The following EPB41L5 variants were observed in gnomAD, a reference collection of about 807,000 sequenced individuals.
EPB41L5 encodes band 4.1-like protein 5.
A neutral mutation model predicts 106.6 loss-of-function variants in EPB41L5; 55 were observed. That is an observed-to-expected ratio of 0.52 (90% CI 0.42 to 0.65). EPB41L5 has a LOEUF of 0.65. Ranked by LOEUF, EPB41L5 falls within the 30% of genes least tolerant of loss-of-function variation. The pLI is 0.00. For synonymous variants in EPB41L5, 297 were observed against 306.7 expected (o/e 0.97, Z 0.33); for missense variants, 871 against 882.1 (o/e 0.99, Z 0.16).
chr2:120,119,709 A>G (rs1685122822), intron 16 of EPB41L5, among the ~76,000 whole-genome samples: 2 of 151,812 alleles, frequency 1.3e-5, no homozygotes. Flanking sequence ...ACGTATCCAA[A>G]GGAGAATTTA....
intron 8 of EPB41L5, 47 bp from the exon 9 acceptor site, chr2:120,077,182 T>C (rs1324517459): frequency 6.3e-7 from 1 of 1,578,994 alleles, no homozygotes; most frequent in Non-Finnish European, 8.6e-7. Context: ...GTATAGAATT[T>C]ATTTTATATT....
intron 2 of EPB41L5, among the ~76,000 whole-genome samples, chr2:120,027,464 T>TC (rs1678404927): frequency 6.6e-6 from 1 of 152,242 alleles, no homozygotes; most frequent in Admixed American, 6.5e-5. Context: ...CATGTGAAAT[T>TC]CCAGAAGAGG....
At chr2:120,045,741 A>G (rs1315984718) in intron 3 of EPB41L5, among the ~76,000 whole-genome samples, 1 of 152,174 alleles carries the variant, frequency 6.6e-6, no homozygotes. Context: ...GTATGTATAC[A>G]TGTGACATTG....
chr2:120,028,174 T>A (rs1463369212), intron 2 of EPB41L5, among the ~76,000 whole-genome samples: 1 of 152,098 alleles, frequency 6.6e-6, no homozygotes, highest in Non-Finnish European at 1.5e-5. Context: ...GGAAGTTATT[T>A]TTTTTTTTAA....
intron 10 of EPB41L5, among the ~76,000 whole-genome samples, chr2:120,085,477 C>T (rs1454053889): frequency 1.3e-5 from 2 of 152,184 alleles, no homozygotes; most frequent in Non-Finnish European, 2.9e-5. Flanking sequence ...GAAGCTTCGT[C>T]TCAGAGGGGT....
intron 24 of EPB41L5, among the ~76,000 whole-genome samples, chr2:120,174,051 A>G (rs9783997): frequency 0.04 from 6,040 of 152,286 alleles, 418 homozygotes; most frequent in African/African-American, 0.14. Context: ...GTTCACTGAC[A>G]GCAGAAATTC....
In EPB41L5 at chr2:120,025,407, T is replaced by C. The variant is rs189045877; in HGVS notation, c.180+6143T>C. Among the ~76,000 whole-genome samples the C allele has an allele frequency of 4.6e-5, 7 of 152,288 alleles. No individual in the cohort carries two copies. The East Asian group carries it at 1.3e-3, about 29-fold the overall frequency. On this transcript the variant is annotated intron_variant, in intron 2 of 24. Coordinates refer to ENST00000263713, the MANE Select transcript of EPB41L5 (RefSeq NM_020909.4). Reference sequence around the variant, plus strand: ...TCTTGCTTTCCATTTGCTTGGTAAATGTTCCTCCATCCCTTTATTTTGAGC... The same window carrying C: ...TCTTGCTTTCCATTTGCTTGGTAAACGTTCCTCCATCCCTTTATTTTGAGC...
chr2:120,073,523 G>A (rs1682024548), intron 4 of EPB41L5, among the ~76,000 whole-genome samples: 1 of 152,152 alleles, frequency 6.6e-6, no homozygotes, highest in Admixed American at 6.6e-5. Flanking sequence ...GAATTTTCCT[G>A]TTTGGCATCT....
At chr2:120,061,032 T>TTTG (rs1192868834) in intron 3 of EPB41L5, among the ~76,000 whole-genome samples, 1 of 27,646 alleles carries the variant, frequency 3.6e-5, no homozygotes, top group African/African-American at 1.2e-4. Flanking sequence ...TTCAGGGAAG[T>TTTG]TTTTTTTTTT....
At chr2:120,107,524 T>C (rs1218022590) in intron 16 of EPB41L5, among the ~76,000 whole-genome samples, 1 of 152,140 alleles carries the variant, frequency 6.6e-6, no homozygotes, top group African/African-American at 2.4e-5. Context: ...TGAGATGCTT[T>C]TACATAAGGG....
chr2:120,161,987 G>A (rs115194335), intron 21 of EPB41L5, among the ~76,000 whole-genome samples: 22 of 152,290 alleles, frequency 1.4e-4, no homozygotes, highest in African/African-American at 5.1e-4. Context: ...TGCTGCTCTA[G>A]GGAATGTAAG....
chr2:120,103,037 T>TA (rs1436399375), intron 16 of EPB41L5, among the ~76,000 whole-genome samples: 4 of 152,214 alleles, frequency 2.6e-5, no homozygotes, highest in Admixed American at 1.3e-4. Flanking sequence ...ATTTTGTTAT[T>TA]AAAAAAGCCT....
chr2:120,146,824 G>A (rs1686426890), intron 20 of EPB41L5, among the ~76,000 whole-genome samples: 1 of 152,088 alleles, frequency 6.6e-6, no homozygotes, highest in African/African-American at 2.4e-5. Context: ...TCTGTGCTTA[G>A]TGTTAAAAAA....
intron 20 of EPB41L5, among the ~76,000 whole-genome samples, chr2:120,147,902 T>C (rs1420948081): frequency 6.6e-5 from 10 of 152,320 alleles, no homozygotes; most frequent in Admixed American, 4.6e-4. Flanking sequence ...ATGCATCCTT[T>C]GAAATATACT....
intron 3 of EPB41L5, among the ~76,000 whole-genome samples, chr2:120,066,764 C>A (rs552283958): frequency 1.3e-5 from 2 of 152,314 alleles, no homozygotes; most frequent in African/African-American, 2.4e-5. Context: ...TATAGGACAA[C>A]TCCCAGTTCC....
chr2:120,075,439 G>T, intron 5 of EPB41L5, 37 bp from the exon 6 acceptor site: 23 of 1,426,212 alleles, frequency 1.6e-5, no homozygotes, highest in Non-Finnish European at 1.9e-5. Context: ...AGTCGATTGT[G>T]CTGTTGGGTT....
At chr2:120,101,023 T>C (rs1197160588) in intron 16 of EPB41L5, among the ~76,000 whole-genome samples, 1 of 152,206 alleles carries the variant, frequency 6.6e-6, no homozygotes, top group Non-Finnish European at 1.5e-5. Flanking sequence ...ATGAAGACCA[T>C]CAGACAGCTG....
In EPB41L5 at chr2:120,100,699, G is replaced by T; in HGVS notation, c.1222G>T (p.Ala408Ser). 1 of 1,612,420 alleles carries T rather than the reference G, an allele frequency of 6.2e-7. No individual in the cohort carries two copies. The highest frequency in any genetic ancestry group is 1.1e-5 in the South Asian group (1 of 91,002). Residue 408 changes from alanine (A) to serine (S), a missense_variant and splice_region_variant, in exon 16 of 25, where the codon GCT becomes TCT. Transcript: ENST00000263713. ...TAATTTTTATAATTTTTGTCCAAAG[G>T]CTTGGGGGATGAGATCTGCTCTGCC... ...VSTQSNGSQQAWGMRSALPVS... is the reference protein window; with the variant it reads ...VSTQSNGSQQSWGMRSALPVS...
At chr2:120,062,677 A>G (rs909733941) in intron 3 of EPB41L5, among the ~76,000 whole-genome samples, 1 of 152,236 alleles carries the variant, frequency 6.6e-6, no homozygotes, top group African/African-American at 2.4e-5. Context: ...AATATTCAAT[A>G]ATTCATTTAA....
Sources: allele counts gnomAD v4.1 joint callset (sites outside exome capture counted in the v4.1 genomes callset), GRCh38; gene constraint gnomAD v4.1.1; transcripts MANE v1.5; gene names NCBI Gene and HGNC (gene_info 2026-07-23, HGNC 2026-07-21).